ZBBX: variants seen among roughly 807,000 people sequenced by gnomAD.
ZBBX encodes zinc finger B-box domain containing, also known as zinc finger B-box domain-containing protein 1.
ZBBX carries 101 observed loss-of-function variants against 108.5 expected under a neutral mutation model. That is an observed-to-expected ratio of 0.93 (90% CI 0.79 to 1.10). The LOEUF (loss-of-function observed/expected upper bound fraction) is 1.10. Among genes scored for constraint, ZBBX ranks in the 50% least tolerant of loss-of-function variants. The pLI is 0.00. For synonymous variants in ZBBX, 356 were observed against 323.4 expected (o/e 1.10, Z -1.08); for missense variants, 1,009 against 941.4 (o/e 1.07, Z -0.94).
Position 167,328,130 on chromosome 3 carries a change from T to C in ZBBX, c.688-14A>G. 1.3e-6 allele frequency: 2 copies of C among 1,591,088 alleles called. No homozygotes were observed. Among genetic ancestry groups the C allele is most frequent in the East Asian group, 2.2e-5 (1 of 44,758 alleles). On this transcript the variant is annotated splice_polypyrimidine_tract_variant and intron_variant, in intron 10 of 21. Coordinates refer to ENST00000675490, the MANE Select transcript of ZBBX (RefSeq NM_001199201.2). Reference sequence around the variant, plus strand: ...TGTAATTTCTACCTAATTAAAAGGATACATAGGCATGCTTTATTAAATTTT... The same window carrying C: ...TGTAATTTCTACCTAATTAAAAGGACACATAGGCATGCTTTATTAAATTTT...
chr3:167,225,415 T>C, the ZBBX span, among the ~76,000 whole-genome samples: 1 of 151,824 alleles, frequency 6.6e-6, no homozygotes, highest in Admixed American at 6.6e-5. Context: ...GATAAATAGT[T>C]TAACAGAGAA....
chr3:167,398,707 G>A (rs2108641694), intron 1 of ZBBX, among the ~76,000 whole-genome samples: 1 of 152,120 alleles, frequency 6.6e-6, no homozygotes, highest in East Asian at 1.9e-4. Context: ...TAGGACATGT[G>A]TTATACCAGA....
At chr3:167,234,683 G>A in the ZBBX span, among the ~76,000 whole-genome samples, 142 of 151,856 alleles carry the variant, frequency 9.4e-4, no homozygotes, top group African/African-American at 3.3e-3. Context: ...CTATTGATCA[G>A]TAATAAAGAT....
At chr3:167,300,644 C>A (rs1286025073) in intron 17 of ZBBX, among the ~76,000 whole-genome samples, 1 of 150,648 alleles carries the variant, frequency 6.6e-6, no homozygotes, top group East Asian at 1.9e-4. Flanking sequence ...GAGTCTCACC[C>A]TGTCACCCAG....
chr3:167,393,831 C>T (rs567634057), intron 1 of ZBBX, among the ~76,000 whole-genome samples: 10 of 151,748 alleles, frequency 6.6e-5, no homozygotes, highest in Non-Finnish European at 1.2e-4. Context: ...GCTAAAGCCG[C>T]GTAACCTTTT....
At chr3:167,269,075 G>A (rs973715815) in intron 20 of ZBBX, among the ~76,000 whole-genome samples, 1 of 152,230 alleles carries the variant, frequency 6.6e-6, no homozygotes, top group African/African-American at 2.4e-5. Context: ...TACAAAGGGA[G>A]AGACAAGCCC....
intron 20 of ZBBX, chr3:167,252,287 T>C: frequency 3.2e-6 from 3 of 923,362 alleles, no homozygotes; most frequent in Non-Finnish European, 4.5e-6. Context: ...TGAACATATT[T>C]ACATTTATAT....
intron 20 of ZBBX, among the ~76,000 whole-genome samples, chr3:167,259,024 G>A (rs1270285611): frequency 6.6e-6 from 1 of 152,058 alleles, no homozygotes; most frequent in African/African-American, 2.4e-5. Flanking sequence ...TCTCTATCTT[G>A]TGGAAGAGTG....
rs73028611 is a variant in ZBBX, at chr3:167,317,390, A to G, written c.1093+98T>C. On this transcript the variant is annotated intron_variant, in intron 13 of 21. Coordinates refer to ENST00000675490, the MANE Select transcript of ZBBX (RefSeq NM_001199201.2). ...AGATTACATGGTACAACTGAGAATAATATATTAAAGAAAACCAAAAGCAGA... is the reference window on the plus strand; with the variant it reads ...AGATTACATGGTACAACTGAGAATAGTATATTAAAGAAAACCAAAAGCAGA... 4.1e-3 allele frequency: 3,549 copies of G among 869,788 alleles called. 101 individuals are homozygous for G. The African/African-American group carries it at 0.056, about 14-fold the overall frequency. The allele number at this position is 869,788 out of a possible 1,614,324, so 53.9% of individuals were successfully genotyped here. A position where few individuals can be genotyped will look rare whatever the true frequency, so the allele number is the denominator to read the frequency against.
At chr3:167,204,478 G>A in the ZBBX span, among the ~76,000 whole-genome samples, 1 of 145,620 alleles carries the variant, frequency 6.9e-6, no homozygotes, top group African/African-American at 2.6e-5. Flanking sequence ...ACCTATGAGT[G>A]AGAATATGCG....
chr3:167,394,918 T>C (rs913030682), intron 1 of ZBBX, among the ~76,000 whole-genome samples: 1 of 152,030 alleles, frequency 6.6e-6, no homozygotes, highest in East Asian at 1.9e-4. Flanking sequence ...ACCACCCTGA[T>C]GGAAGGACAA....
At chr3:167,183,412 G>A in the ZBBX span, among the ~76,000 whole-genome samples, 1 of 152,134 alleles carries the variant, frequency 6.6e-6, no homozygotes, top group Non-Finnish European at 1.5e-5. Context: ...CCCCATGTAT[G>A]GGCACCACTT....
At chr3:167,389,293 G>A (rs1748016072) in intron 1 of ZBBX, among the ~76,000 whole-genome samples, 1 of 152,086 alleles carries the variant, frequency 6.6e-6, no homozygotes, top group Non-Finnish European at 1.5e-5. Context: ...CCATGTTCCT[G>A]CAAAGGACAT....
At chr3:167,312,273 T>C (rs1036523575) in intron 16 of ZBBX, among the ~76,000 whole-genome samples, 43 of 152,002 alleles carry the variant, frequency 2.8e-4, no homozygotes, top group African/African-American at 9.9e-4. Flanking sequence ...TTGCCAGGAG[T>C]TGGTCAGAGA....
intron 2 of ZBBX, among the ~76,000 whole-genome samples, chr3:167,375,187 C>T (rs1276890805): frequency 1.3e-5 from 2 of 152,174 alleles, no homozygotes; most frequent in Non-Finnish European, 2.9e-5. Context: ...GTCTACACAA[C>T]CAAATAAGTG....
chr3:167,394,167 C>A (rs891721015), intron 1 of ZBBX, among the ~76,000 whole-genome samples: 6 of 151,848 alleles, frequency 4.0e-5, no homozygotes, highest in Non-Finnish European at 7.4e-5. Context: ...ATATACAGTG[C>A]TTCTCAACAC....
chr3:167,389,245 T>C (rs1183985288), intron 1 of ZBBX, among the ~76,000 whole-genome samples: 4 of 152,160 alleles, frequency 2.6e-5, no homozygotes, highest in African/African-American at 9.7e-5. Context: ...TTTCTGTTCC[T>C]ATGTTACTTT....
chr3:167,282,234 T>C lies in ZBBX; in HGVS notation c.2254+4A>G. 6.3e-7 allele frequency: 1 copy of C among 1,599,354 alleles called. No individual in the cohort carries two copies. The highest frequency in any genetic ancestry group is 8.5e-7 in the Non-Finnish European group (1 of 1,173,628). ...ATCTAAAGTGAAAAAAAAAATAGGATTACCTGCAAGAGATCTCAGCACTTG... is the reference window on the plus strand; with the variant it reads ...ATCTAAAGTGAAAAAAAAAATAGGACTACCTGCAAGAGATCTCAGCACTTG... On this transcript the variant is annotated splice_donor_region_variant and intron_variant, in intron 20 of 21. Coordinates refer to ENST00000675490, the MANE Select transcript of ZBBX (RefSeq NM_001199201.2).
chr3:167,251,959 C>CACACACACACACACACA (rs374736828), intron 20 of ZBBX, among the ~76,000 whole-genome samples: 5 of 151,320 alleles, frequency 3.3e-5, no homozygotes, highest in African/African-American at 1.2e-4. Context: ...CACACACACA[C>CACACACACACACACACA]ATCTGTCCAT....
Sources: allele counts gnomAD v4.1 joint callset (sites outside exome capture counted in the v4.1 genomes callset), GRCh38; gene constraint gnomAD v4.1.1; transcripts MANE v1.5; gene names NCBI Gene and HGNC (gene_info 2026-07-23, HGNC 2026-07-21).